The following THSD7B variants were observed in gnomAD, a reference collection of about 807,000 sequenced individuals.
THSD7B encodes thrombospondin type-1 domain-containing protein 7B.
THSD7B carries 138 observed loss-of-function variants against 213.6 expected under a neutral mutation model. The ratio of observed to expected loss-of-function variants is 0.65; its 90% CI spans 0.56 to 0.74. The LOEUF (loss-of-function observed/expected upper bound fraction) is 0.74. THSD7B is among the 30% of genes least tolerant of loss of function. The pLI, the probability that THSD7B is intolerant of heterozygous loss-of-function variation, is 0.00. For missense variants in THSD7B, 1,931 were observed against 1,991.5 expected (o/e 0.97, Z 0.58); for synonymous variants, 742 against 687.0 (o/e 1.08, Z -1.25).
chr2:137,535,777 A>G (rs145860441), intron 15 of THSD7B, among the ~76,000 whole-genome samples: 1 of 151,794 alleles, frequency 6.6e-6, no homozygotes, highest in Non-Finnish European at 1.5e-5. Context: ...GGACAGAATG[A>G]TCAGAGAAGA....
chr2:137,184,229 G>A (rs1271116095), intron 7 of THSD7B, among the ~76,000 whole-genome samples: 1 of 152,164 alleles, frequency 6.6e-6, no homozygotes, highest in Non-Finnish European at 1.5e-5. Flanking sequence ...GGGAAAAAGG[G>A]CTAAGCACTG....
At chr2:137,259,831 T>C (rs1246687301) in intron 10 of THSD7B, among the ~76,000 whole-genome samples, 1 of 152,200 alleles carries the variant, frequency 6.6e-6, no homozygotes. Flanking sequence ...AATGGTATCC[T>C]CTCCTTAGAA....
In THSD7B at chr2:137,350,418, G is replaced by A. The variant is rs935735167; in HGVS notation, c.2501-55195G>A. 1.3e-4 allele frequency among the ~76,000 whole-genome samples: 20 copies of A among 151,766 alleles called. No homozygotes were observed. The South Asian group carries it at 1.4e-3, about 11-fold the overall frequency. On this transcript the variant is annotated intron_variant, in intron 12 of 27. Transcript: ENST00000409968. ...AGATGTTAAGTGCAATGGAATAATC[G>A]AAATAGAACCGTTGTGGTTAAACTA...
intron 1 of THSD7B, among the ~76,000 whole-genome samples, chr2:136,881,937 C>A (rs1683631367): frequency 6.6e-6 from 1 of 152,122 alleles, no homozygotes; most frequent in Admixed American, 6.6e-5. Context: ...GAATACACTT[C>A]ACTACAAAAA....
intron 2 of THSD7B, among the ~76,000 whole-genome samples, chr2:137,001,968 C>CT (rs1197314058): frequency 2.6e-5 from 4 of 151,874 alleles, no homozygotes; most frequent in African/African-American, 9.7e-5. Context: ...GTGTATTTTC[C>CT]TTTTTTCAGC....
At chr2:136,766,867 T>G (rs1681405725) in intron 1 of THSD7B, among the ~76,000 whole-genome samples, 1 of 152,172 alleles carries the variant, frequency 6.6e-6, no homozygotes, top group African/African-American at 2.4e-5. Flanking sequence ...GCTCTTTAAA[T>G]GACGGTCTGC....
At chr2:137,001,056 G>A (rs1685989700) in intron 2 of THSD7B, among the ~76,000 whole-genome samples, 1 of 152,086 alleles carries the variant, frequency 6.6e-6, no homozygotes. Flanking sequence ...AAGGTTTTAA[G>A]AGCATGTGTT....
chr2:137,400,193 C>T (rs1686319267), intron 12 of THSD7B, among the ~76,000 whole-genome samples: 1 of 152,078 alleles, frequency 6.6e-6, no homozygotes, highest in South Asian at 2.1e-4. Flanking sequence ...TTCTCTAAAA[C>T]ATGTACTTTT....
At chr2:137,228,780 GTTTTAC>G (rs1681573847) in intron 7 of THSD7B, among the ~76,000 whole-genome samples, 1 of 152,064 alleles carries the variant, frequency 6.6e-6, no homozygotes, top group Non-Finnish European at 1.5e-5. Flanking sequence ...TTTGGCCTTC[GTTTTAC>G]TTTTATGTGT....
intron 12 of THSD7B, among the ~76,000 whole-genome samples, chr2:137,370,965 T>C (rs996963162): frequency 2.0e-5 from 3 of 152,168 alleles, no homozygotes; most frequent in African/African-American, 7.2e-5. Flanking sequence ...TGCAGCATTT[T>C]ACTTTTCCTG....
chr2:137,260,240 GTATAA>G (rs138735145), intron 10 of THSD7B, among the ~76,000 whole-genome samples: 201 of 152,264 alleles, frequency 1.3e-3, no homozygotes, highest in Non-Finnish European at 2.1e-3. Context: ...GTATAAGTAT[GTATAA>G]TATATTACTA....
intron 2 of THSD7B, among the ~76,000 whole-genome samples, chr2:137,008,360 A>G (rs1686155945): frequency 6.6e-6 from 1 of 152,116 alleles, no homozygotes; most frequent in Non-Finnish European, 1.5e-5. Context: ...TAAAAATAAG[A>G]AGGAAATCAC....
At chr2:137,559,772 C>T (rs1209157629) in intron 15 of THSD7B, among the ~76,000 whole-genome samples, 1 of 152,168 alleles carries the variant, frequency 6.6e-6, no homozygotes, top group African/African-American at 2.4e-5. Flanking sequence ...TCCAATTGAA[C>T]AGGCAACCTA....
At chr2:136,825,939 C>T (rs1349739591) in intron 1 of THSD7B, among the ~76,000 whole-genome samples, 1 of 152,038 alleles carries the variant, frequency 6.6e-6, no homozygotes. Flanking sequence ...TCTCCAAGTC[C>T]TTTTGCTTCG....
At chr2:137,416,754 T>G (rs756244279) in intron 14 of THSD7B, among the ~76,000 whole-genome samples, 2 of 152,244 alleles carry the variant, frequency 1.3e-5, no homozygotes, top group African/African-American at 2.4e-5. Flanking sequence ...AGCAGATCCA[T>G]AGAGAAGCCA....
intron 15 of THSD7B, among the ~76,000 whole-genome samples, chr2:137,462,611 A>G (rs1383621615): frequency 6.6e-6 from 1 of 152,008 alleles, no homozygotes; most frequent in Non-Finnish European, 1.5e-5. Context: ...TTGTTCTCCA[A>G]AGCACTCTGC....
intron 1 of THSD7B, among the ~76,000 whole-genome samples, chr2:136,804,395 A>G (rs931303713): frequency 8.8e-5 from 10 of 113,874 alleles, no homozygotes; most frequent in African/African-American, 3.2e-4. Flanking sequence ...TCACATACAC[A>G]CACACATAAC....
intron 12 of THSD7B, among the ~76,000 whole-genome samples, chr2:137,385,616 A>G (rs1352720586): frequency 1.3e-5 from 2 of 152,046 alleles, no homozygotes; most frequent in Non-Finnish European, 2.9e-5. Flanking sequence ...ATCTTAGGCC[A>G]TGGAGTGGAC....
intron 13 of THSD7B, among the ~76,000 whole-genome samples, chr2:137,411,052 A>T (rs557021861): frequency 6.6e-6 from 1 of 152,374 alleles, no homozygotes; most frequent in African/African-American, 2.4e-5. Context: ...GAATCTCTCA[A>T]AATGAAAGAG....
Sources: allele counts gnomAD v4.1 joint callset (sites outside exome capture counted in the v4.1 genomes callset), GRCh38; gene constraint gnomAD v4.1.1; transcripts MANE v1.5; gene names NCBI Gene and HGNC (gene_info 2026-07-23, HGNC 2026-07-21).